The following SLC25A16 variants were observed in gnomAD, a reference collection of about 807,000 sequenced individuals.
SLC25A16 encodes mitochondrial coenzyme A transporter SLC25A16.
Under a neutral mutation model 41.5 loss-of-function variants are expected in SLC25A16, and 39 were observed. The ratio of observed to expected loss-of-function variants is 0.94; its 90% CI spans 0.73 to 1.23. SLC25A16 has a LOEUF of 1.23. Among genes scored for constraint, SLC25A16 ranks in the 50% most tolerant of loss-of-function variants. The probability of loss-of-function intolerance (pLI) is 0.00; values close to 1 mark genes in which losing one functional copy is unlikely to be tolerated. For missense variants in SLC25A16, 421 were observed against 426.9 expected, an observed-to-expected ratio of 0.99 and a Z score of 0.12; for synonymous variants, 146 against 147.8, an observed-to-expected ratio of 0.99 and a Z score of 0.09.
rs1425015000 is a variant in SLC25A16 at position 68,478,327 on chromosome 10, T to C, written c.*5105A>G. On this transcript the variant is annotated 3_prime_UTR_variant, in exon 9 of 9. Transcript: ENST00000609923. ...ATAATTCTTCAGGAAATATATGTAA[T>C]TGTTATTATTTATCACCAGTTTCTA... 1.3e-5 allele frequency: 2 copies of C among 148,462 alleles called. No individual in the cohort carries two copies. The highest frequency in any genetic ancestry group is 5.2e-5 in the African/African-American group (2 of 38,162). 9.2% of individuals were successfully genotyped at this position (148,462 alleles called of 1,614,324 possible). A position where few individuals can be genotyped will look rare whatever the true frequency, so the allele number is the denominator to read the frequency against.
intron 6 of SLC25A16, among the ~76,000 whole-genome samples, chr10:68,491,867 C>T (rs2052664602): frequency 1.3e-5 from 2 of 151,992 alleles, no homozygotes; most frequent in African/African-American, 4.8e-5. Flanking sequence ...CTCACTCTTT[C>T]GCCCAGGCTG....
At position 68,483,204 on chromosome 10, in the gene SLC25A16, A is replaced by T. The variant is rs1387035965; in HGVS notation, c.*228T>A. 2.9e-6 allele frequency: 1 copy of T among 350,206 alleles called. No homozygotes were observed. The highest frequency in any genetic ancestry group is 4.4e-5 in the East Asian group (1 of 22,786). 21.7% of individuals were successfully genotyped at this position (350,206 alleles called of 1,614,324 possible). ...ACTTTAAAGCGGTTTAGCCAGCATCAGCTTAGGAATATTTTCTTCAATGTT... is the reference window on the plus strand; with the variant it reads ...ACTTTAAAGCGGTTTAGCCAGCATCTGCTTAGGAATATTTTCTTCAATGTT... On this transcript the variant is annotated 3_prime_UTR_variant, in exon 9 of 9. Coordinates refer to ENST00000609923, the MANE Select transcript of SLC25A16 (RefSeq NM_152707.4).
At chr10:68,517,357 T>C (rs1238780130) in intron 1 of SLC25A16, 2 of 521,490 alleles carry the variant, frequency 3.8e-6, no homozygotes, top group Non-Finnish European at 4.9e-6. Context: ...GACCCTACCA[T>C]GTGCCACTGG....
Position 68,493,556 on chromosome 10 carries a change from T to A in SLC25A16, c.436A>T (p.Ile146Phe). ...ACCATGTCAAGAGGGTAAGTACAGA[T>A]AACTGCTGTCATACCTGAAAAGAAA... ...AGSMAGMTAV[I>F]CTYPLDMVRV... is the part of the protein sequence containing the mutation. The change falls in exon 5 of 9, where the codon ATC (isoleucine) becomes TTC (phenylalanine). Residue 146 changes from isoleucine (I) to phenylalanine (F), a missense_variant. Physicochemically the swap from Ile to Phe is conservative, Grantham distance 21 (BLOSUM62 0). Coordinates refer to ENST00000609923, the MANE Select transcript of SLC25A16 (RefSeq NM_152707.4). The A allele has an allele frequency of 6.2e-7, 1 of 1,612,818 alleles. No individual in the cohort carries two copies. Among genetic ancestry groups the A allele is most frequent in the Non-Finnish European group, 8.5e-7 (1 of 1,178,992 alleles).
At chr10:68,490,822 A>G (rs1192932504) in intron 6 of SLC25A16, among the ~76,000 whole-genome samples, 2 of 152,170 alleles carry the variant, frequency 1.3e-5, no homozygotes, top group Admixed American at 1.3e-4. Flanking sequence ...TCCATAAAAG[A>G]ATAGATTGAT....
intron 2 of SLC25A16, 92 bp downstream of exon 2, chr10:68,516,659 T>G: frequency 3.6e-6 from 3 of 832,680 alleles, no homozygotes; most frequent in Non-Finnish European, 5.6e-6. Context: ...AACCTCTACT[T>G]TACTTTTTAC....
chr10:68,520,198 C>T (rs1340558432), intron 1 of SLC25A16, among the ~76,000 whole-genome samples: 2 of 151,198 alleles, frequency 1.3e-5, no homozygotes, highest in African/African-American at 4.8e-5. Context: ...ATCTCGTCAT[C>T]CACCCGCCTC....
chr10:68,486,475 G>T (rs546774497), intron 8 of SLC25A16, among the ~76,000 whole-genome samples: 1 of 150,996 alleles, frequency 6.6e-6, no homozygotes, highest in Non-Finnish European at 1.5e-5. Context: ...TCGCCAAATT[G>T]GCTCACTGCA....
At chr10:68,499,930 A>G in intron 4 of SLC25A16, 1 of 576,922 alleles carries the variant, frequency 1.7e-6, no homozygotes, top group Non-Finnish European at 3.3e-6. Flanking sequence ...GGAAAAGGGC[A>G]AATACAAGGA....
chr10:68,492,202 G>A lies in SLC25A16; in HGVS notation c.610+930C>T, dbSNP rs780932273. On this transcript the variant is annotated intron_variant, in intron 6 of 8. Transcript: ENST00000609923. ...GTGATTTTTCTATTTTATTCTTCCTGTCCCCAACTTACAAGGATAGTAACT... is the reference window on the plus strand; with the variant it reads ...GTGATTTTTCTATTTTATTCTTCCTATCCCCAACTTACAAGGATAGTAACT... Among the ~76,000 whole-genome samples, 11 of 152,174 alleles carry A rather than the reference G, an allele frequency of 7.2e-5. No homozygotes were observed. In the East Asian group the frequency reaches 7.7e-4, roughly 11 times the overall value.
At chr10:68,509,031 T>C (rs916375394) in intron 2 of SLC25A16, among the ~76,000 whole-genome samples, 2 of 152,208 alleles carry the variant, frequency 1.3e-5, no homozygotes, top group African/African-American at 2.4e-5. Context: ...AGAAGTGAAA[T>C]AGATACAGTA....
In SLC25A16 at chr10:68,527,266, A is replaced by G. The variant is rs1359864056; in HGVS notation, c.110T>C (p.Leu37Pro). Residue 37 changes from leucine (L) to proline (P), a missense_variant, in exon 1 of 9, where the codon CTG (leucine) becomes CCG (proline). Leu to Pro is a moderately conservative substitution (Grantham distance 98). Coordinates refer to ENST00000609923, the MANE Select transcript of SLC25A16 (RefSeq NM_152707.4). Reference sequence around the variant, plus strand: ...CCCACCTCCGGCCAGAAAGGAGCGCAGCCAGTAGAAGTCTCTGCGGGTTGT... The same window carrying G: ...CCCACCTCCGGCCAGAAAGGAGCGCGGCCAGTAGAAGTCTCTGCGGGTTGT... ...GPTTRRDFYW[L>P]RSFLAGGIAG... is the part of the protein sequence containing the mutation. 14 of 1,548,282 alleles carry G rather than the reference A, an allele frequency of 9.0e-6. No homozygotes were observed. The highest frequency in any genetic ancestry group is 1.2e-5 in the Non-Finnish European group (14 of 1,145,860).
At chr10:68,516,974 T>A (rs890476588) in intron 1 of SLC25A16, 131 bp from the exon 2 acceptor site, 1 of 985,420 alleles carries the variant, frequency 1.0e-6, no homozygotes, top group Non-Finnish European at 1.4e-6. Flanking sequence ...CCACAGCGTA[T>A]AGATATGCAG....
intron 4 of SLC25A16, chr10:68,496,297 T>C (rs142555701): frequency 6.2e-6 from 1 of 160,132 alleles, no homozygotes; most frequent in Admixed American, 6.5e-5. Context: ...ACTGAGGTTT[T>C]CAATTCATGA....
intron 4 of SLC25A16, among the ~76,000 whole-genome samples, chr10:68,500,445 T>A (rs1488411528): frequency 2.6e-5 from 4 of 151,990 alleles, no homozygotes; most frequent in Non-Finnish European, 1.5e-5. Context: ...GTATCTGGGA[T>A]TACAGGCGCC....
rs971806403 is a variant in SLC25A16, at chr10:68,527,453, G to T, written c.-78C>A. On this transcript the variant is annotated 5_prime_UTR_variant, in exon 1 of 9. Transcript: ENST00000609923. ...CGGGACCATAGCCGGAACAGGCGGT[G>T]ACAGGAGGCTGACCGCCCCGCCGGC... 3 of 1,356,478 alleles carry T rather than the reference G, an allele frequency of 2.2e-6. No individual in the cohort carries two copies. The highest frequency in any genetic ancestry group is 2.9e-6 in the Non-Finnish European group (3 of 1,047,632). 84.0% of individuals were successfully genotyped at this position (1,356,478 alleles called of 1,614,324 possible). A position where few individuals can be genotyped will look rare whatever the true frequency, so the allele number is the denominator to read the frequency against.
intron 1 of SLC25A16, among the ~76,000 whole-genome samples, chr10:68,519,951 A>G (rs2053223080): frequency 1.3e-5 from 2 of 149,560 alleles, no homozygotes; most frequent in Non-Finnish European, 2.9e-5. Context: ...AATGTATTCA[A>G]TAAGTACTTT....
Position 68,480,792 on chromosome 10 carries a change from G to A in SLC25A16, c.*2640C>T, listed in dbSNP as rs1011239415. 3 of 151,680 alleles carry A rather than the reference G, an allele frequency of 2.0e-5. No homozygotes were observed. The highest frequency in any genetic ancestry group is 7.3e-5 in the African/African-American group (3 of 41,286). The allele number at this position is 151,680 out of a possible 1,614,324, so 9.4% of individuals were successfully genotyped here. On this transcript the variant is annotated 3_prime_UTR_variant, in exon 9 of 9. Transcript: ENST00000609923. ...ATTACAGGGGTGAGCCACCATGCCC[G>A]GCTCAATACTTATTTTATATACTTA...
intron 2 of SLC25A16, among the ~76,000 whole-genome samples, chr10:68,515,192 A>C (rs925880225): frequency 6.6e-6 from 1 of 150,720 alleles, no homozygotes; most frequent in Non-Finnish European, 1.5e-5. Context: ...CCCCGTCTCT[A>C]CTAAAAATAC....
Sources: gnomAD v4.1 joint callset for allele counts (sites outside exome capture counted in the v4.1 genomes callset) on GRCh38, gnomAD v4.1.1 for gene constraint, MANE v1.5 for transcripts, NCBI Gene and HGNC (gene_info 2026-07-23, HGNC 2026-07-21) for gene names.